Variants in MEIS2 observed in about 807,000 individuals in gnomAD.
MEIS2 encodes Meis homeobox 2.
In MEIS2, 9 loss-of-function variants were observed where a neutral mutation model predicts 58.6. The observed-to-expected ratio is 0.15, with a 90% CI of 0.09 to 0.27. MEIS2 has a LOEUF of 0.27. Among genes scored for constraint, MEIS2 ranks in the 10% least tolerant of loss-of-function variants. MEIS2 has a pLI of 1.00. For synonymous variants in MEIS2, 221 were observed against 228.4 expected, an observed-to-expected ratio of 0.97 and a Z score of 0.29; for missense variants, 427 against 635.0, an observed-to-expected ratio of 0.67 and a Z score of 3.52.
intron 9 of MEIS2, among the ~76,000 whole-genome samples, chr15:36,937,552 C>T (rs1290299292): frequency 6.6e-6 from 1 of 152,172 alleles, no homozygotes; most frequent in Non-Finnish European, 1.5e-5. Flanking sequence ...TTTTTCACTA[C>T]TGCTGCCTTT....
chr15:36,993,144 A>G (rs1052169901), intron 8 of MEIS2, among the ~76,000 whole-genome samples: 1 of 152,144 alleles, frequency 6.6e-6, no homozygotes, highest in African/African-American at 2.4e-5. Context: ...GCACACCAAT[A>G]AAATTATTAA....
chr15:36,972,207 T>A (rs113296906), intron 8 of MEIS2, among the ~76,000 whole-genome samples: 1 of 152,278 alleles, frequency 6.6e-6, no homozygotes, highest in East Asian at 1.9e-4. Context: ...AAGTAAGTTA[T>A]GATAAGATGT....
intron 8 of MEIS2, among the ~76,000 whole-genome samples, chr15:37,029,040 T>C (rs1312398394): frequency 2.0e-5 from 3 of 152,216 alleles, no homozygotes; most frequent in African/African-American, 7.2e-5. Context: ...ATTTAATGCA[T>C]TGTGACATCA....
At chr15:37,027,378 CAACTTACCCTGTAATTCCCA>C (rs1462703023) in intron 8 of MEIS2, among the ~76,000 whole-genome samples, 1 of 152,180 alleles carries the variant, frequency 6.6e-6, no homozygotes, top group Non-Finnish European at 1.5e-5. Flanking sequence ...ATAACCCAGT[CAACTTACCCTGTAATTCCCA>C]ATCACTCCAC....
intron 9 of MEIS2, among the ~76,000 whole-genome samples, chr15:36,900,569 C>T (rs996009326): frequency 2.6e-5 from 4 of 152,124 alleles, no homozygotes; most frequent in Non-Finnish European, 5.9e-5. Flanking sequence ...CCAAGAATCA[C>T]GAGGCCTTTC....
intron 9 of MEIS2, chr15:36,896,977 G>C (rs1428062251): frequency 3.3e-6 from 1 of 303,382 alleles, no homozygotes; most frequent in African/African-American, 2.1e-5. Context: ...TCTTGCACAA[G>C]TAGGAATCTG....
In MEIS2 at chr15:37,098,423, A is replaced by AGAGAGAGAGAGAGG. The variant is rs1555474187; in HGVS notation, c.13-225_13-224insCCTCTCTCTCTCTC. ...GAGAGAGAGAGAGAGAGAGAGAGAG[A>AGAGAGAGAGAGAGG]GAAAATAAAAATAAAAACAAAGTCA... On this transcript the variant is annotated intron_variant, in intron 1 of 11. Coordinates refer to ENST00000561208, the MANE Select transcript of MEIS2 (RefSeq NM_170675.5). 4.1e-5 allele frequency: 49 copies of AGAGAGAGAGAGAGG among 1,194,710 alleles called. 1 individual carries two copies. The African/African-American group carries it at 6.8e-4, about 16-fold the overall frequency. 74.0% of individuals were successfully genotyped at this position (1,194,710 alleles called of 1,614,324 possible). A position where few individuals can be genotyped will look rare whatever the true frequency, so the allele number is the denominator to read the frequency against.
At chr15:37,036,079 T>G (rs764616344) in intron 8 of MEIS2, among the ~76,000 whole-genome samples, 11 of 152,204 alleles carry the variant, frequency 7.2e-5, no homozygotes, top group Non-Finnish European at 1.0e-4. Context: ...TTTTTTGTCA[T>G]AAGAGTCTTA....
chr15:37,017,062 T>C (rs1366029124), intron 8 of MEIS2, among the ~76,000 whole-genome samples: 1 of 152,232 alleles, frequency 6.6e-6, no homozygotes, highest in African/African-American at 2.4e-5. Flanking sequence ...CACTTGTCAC[T>C]ATGCCATCTA....
At chr15:36,919,534 G>A (rs976127095) in intron 9 of MEIS2, among the ~76,000 whole-genome samples, 6 of 149,650 alleles carry the variant, frequency 4.0e-5, no homozygotes, top group Admixed American at 3.3e-4. Flanking sequence ...TCGAGATTGC[G>A]CCACTGCACT....
intron 9 of MEIS2, chr15:36,898,267 A>G (rs1433174038): frequency 6.6e-6 from 1 of 152,142 alleles, no homozygotes; most frequent in Non-Finnish European, 1.5e-5. Flanking sequence ...CAATCAGAAA[A>G]AGAACTTAAT....
chr15:36,962,448 T>C (rs924514932), intron 8 of MEIS2, among the ~76,000 whole-genome samples: 5 of 152,226 alleles, frequency 3.3e-5, no homozygotes, highest in African/African-American at 1.2e-4. Flanking sequence ...CATCCTCCTG[T>C]ATACTTTAAA....
At chr15:37,028,707 A>G (rs2061796640) in intron 8 of MEIS2, among the ~76,000 whole-genome samples, 1 of 152,206 alleles carries the variant, frequency 6.6e-6, no homozygotes, top group Non-Finnish European at 1.5e-5. Context: ...CTCTTTGGAC[A>G]GCTAGCATCA....
At chr15:37,009,857 C>T (rs768840682) in intron 8 of MEIS2, among the ~76,000 whole-genome samples, 11 of 152,134 alleles carry the variant, frequency 7.2e-5, no homozygotes, top group Non-Finnish European at 1.2e-4. Context: ...TACATAGATA[C>T]ACAGAGTAAA....
At chr15:36,936,684 T>C (rs2058187691) in intron 9 of MEIS2, among the ~76,000 whole-genome samples, 1 of 152,154 alleles carries the variant, frequency 6.6e-6, no homozygotes, top group Admixed American at 6.5e-5. Context: ...GATTTAAGAG[T>C]CACAAAATAA....
Position 36,891,894 on chromosome 15 carries a change from C to T in MEIS2, c.*279G>A, listed in dbSNP as rs2055879034. 2.2e-6 allele frequency: 1 copy of T among 459,640 alleles called. No homozygotes were observed. The highest frequency in any genetic ancestry group is 2.0e-5 in the African/African-American group (1 of 48,946). 28.5% of individuals were successfully genotyped at this position (459,640 alleles called of 1,614,324 possible). ...TAACGGCGTGATCAACAGAAATGTA[C>T]AAGTTTAACTTAGTTCCTATATTTA... On this transcript the variant is annotated 3_prime_UTR_variant, in exon 12 of 12. Transcript: ENST00000561208.
intron 4 of MEIS2, 132 bp from the exon 5 acceptor site, chr15:37,094,709 AACTT>A (rs1893982005): frequency 3.1e-6 from 2 of 653,810 alleles, no homozygotes; most frequent in African/African-American, 3.6e-5. Flanking sequence ...GGCCAGGAAA[AACTT>A]AAACATCAAG....
At chr15:37,060,680 A>C (rs1161740153) in intron 7 of MEIS2, among the ~76,000 whole-genome samples, 1 of 152,246 alleles carries the variant, frequency 6.6e-6, no homozygotes, top group Non-Finnish European at 1.5e-5. Flanking sequence ...CCAGCTAAAC[A>C]AGGTGAATAA....
rs377210457 is a variant in MEIS2 at position 36,892,253 on chromosome 15, T to C, written c.1354A>G (p.Met452Val). The C allele has an allele frequency of 7.4e-5, 119 of 1,614,012 alleles. No homozygotes were observed. The highest frequency in any genetic ancestry group is 9.2e-5 in the Non-Finnish European group (108 of 1,180,026). Residue 452 changes from methionine (M) to valine (V), a missense_variant, in exon 12 of 12, where the codon ATG becomes GTG. By Grantham distance (21) the Met-to-Val change is conservative (BLOSUM62 1). Transcript: ENST00000561208. Reference sequence around the variant, plus strand: ...AACATTGTGGGGCTCTGTGCTGACATAGTCATTCCAGGGTGGGTAGGGGGT... The same window carrying C: ...AACATTGTGGGGCTCTGTGCTGACACAGTCATTCCAGGGTGGGTAGGGGGT... The part of the protein sequence containing the change: ...GGPPTHPGMT[M>V]SAQSPTMLNS...
Sources: gnomAD v4.1 joint callset for allele counts (sites outside exome capture counted in the v4.1 genomes callset) on GRCh38, gnomAD v4.1.1 for gene constraint, MANE v1.5 for transcripts, NCBI Gene and HGNC (gene_info 2026-07-23, HGNC 2026-07-21) for gene names.